CNTN5: variants seen among roughly 807,000 people sequenced by gnomAD.
CNTN5 encodes contactin 5, also known as contactin-5.
A neutral mutation model predicts 129.1 loss-of-function variants in CNTN5; 77 were observed. The ratio of observed to expected loss-of-function variants is 0.60; its 90% CI spans 0.50 to 0.72. The LOEUF (loss-of-function observed/expected upper bound fraction) is 0.72, where lower values mean the gene tolerates loss of function less well. CNTN5 is among the 30% of genes least tolerant of loss of function. The pLI is 0.00. For missense variants in CNTN5, 1,478 were observed against 1,328.8 expected (o/e 1.11, Z -1.75); for synonymous variants, 509 against 465.6 (o/e 1.09, Z -1.20).
chr11:100,045,707 G>A (rs1942631326), intron 9 of CNTN5, among the ~76,000 whole-genome samples: 1 of 142,176 alleles, frequency 7.0e-6, no homozygotes, highest in Non-Finnish European at 1.5e-5. Context: ...TCTTTTAGAT[G>A]TACATTTATT....
chr11:99,778,455 T>G (rs1277018180), intron 3 of CNTN5, among the ~76,000 whole-genome samples: 3 of 151,922 alleles, frequency 2.0e-5, no homozygotes. Flanking sequence ...TTTTTAAAAA[T>G]TAATGTATAT....
At chr11:99,957,974 A>G (rs1662045491) in intron 8 of CNTN5, among the ~76,000 whole-genome samples, 1 of 151,834 alleles carries the variant, frequency 6.6e-6, no homozygotes, top group African/African-American at 2.4e-5. Flanking sequence ...TATTATATAT[A>G]CATATATAGA....
chr11:99,742,067 G>T (rs1211205188), intron 3 of CNTN5, among the ~76,000 whole-genome samples: 3 of 152,136 alleles, frequency 2.0e-5, no homozygotes, highest in Admixed American at 6.5e-5. Context: ...ACTACTAAAT[G>T]TTATGTGCAA....
At chr11:99,842,391 C>G (rs1947538033) in intron 4 of CNTN5, among the ~76,000 whole-genome samples, 1 of 152,130 alleles carries the variant, frequency 6.6e-6, no homozygotes, top group African/African-American at 2.4e-5. Context: ...TCAGTGCTTG[C>G]AATATACAAG....
intron 3 of CNTN5, among the ~76,000 whole-genome samples, chr11:99,587,662 G>T (rs1447543151): frequency 5.9e-5 from 9 of 152,152 alleles, no homozygotes; most frequent in Non-Finnish European, 1.0e-4. Flanking sequence ...GAAGATGGGG[G>T]TCATTTGCAA....
intron 2 of CNTN5, among the ~76,000 whole-genome samples, chr11:99,327,125 G>A (rs1199773141): frequency 6.6e-6 from 1 of 152,054 alleles, no homozygotes; most frequent in Non-Finnish European, 1.5e-5. Context: ...CACCTTAATT[G>A]AATTTAGTAA....
chr11:99,428,400 A>C (rs1019071248), intron 2 of CNTN5, among the ~76,000 whole-genome samples: 2 of 151,850 alleles, frequency 1.3e-5, no homozygotes, highest in Non-Finnish European at 2.9e-5. Flanking sequence ...TCTCTACAAA[A>C]ACATACAAAA....
intron 3 of CNTN5, among the ~76,000 whole-genome samples, chr11:99,626,075 A>G (rs1279347997): frequency 6.6e-6 from 1 of 152,070 alleles, no homozygotes; most frequent in Non-Finnish European, 1.5e-5. Context: ...CGTGAAGGAC[A>G]CACAGAGATG....
At chr11:99,106,185 C>T (rs574233433) in intron 1 of CNTN5, among the ~76,000 whole-genome samples, 1 of 152,134 alleles carries the variant, frequency 6.6e-6, no homozygotes, top group South Asian at 2.1e-4. Context: ...TAAGATTTTA[C>T]TCATGATGTC....
intron 1 of CNTN5, among the ~76,000 whole-genome samples, chr11:99,210,834 A>G (rs1385241469): frequency 6.7e-6 from 1 of 149,216 alleles, no homozygotes. Context: ...CTCCTTGATC[A>G]TATGCTCTAG....
At chr11:99,160,810 A>C (rs560445930) in intron 1 of CNTN5, among the ~76,000 whole-genome samples, 36 of 152,356 alleles carry the variant, frequency 2.4e-4, no homozygotes, top group African/African-American at 8.7e-4. Context: ...AGACACAAGC[A>C]GTTACGTTTA....
At chr11:99,080,980 G>GT (rs766619743) in intron 1 of CNTN5, among the ~76,000 whole-genome samples, 2,779 of 112,372 alleles carry the variant, frequency 0.025, 90 homozygotes, top group African/African-American at 0.054. Context: ...TGAGAAATCA[G>GT]TTTTTTTTTT....
chr11:99,763,252 C>G (rs192013027), intron 3 of CNTN5, among the ~76,000 whole-genome samples: 14 of 152,108 alleles, frequency 9.2e-5, no homozygotes, highest in African/African-American at 3.4e-4. Flanking sequence ...ATACATTTCC[C>G]TTTATCAAAG....
At chr11:100,133,170 T>C (rs1946427059) in intron 13 of CNTN5, among the ~76,000 whole-genome samples, 1 of 152,134 alleles carries the variant, frequency 6.6e-6, no homozygotes, top group Non-Finnish European at 1.5e-5. Flanking sequence ...TCATTGGCAA[T>C]GACATTAATG....
chr11:100,047,309 G>C (rs1942733962), intron 9 of CNTN5, among the ~76,000 whole-genome samples: 1 of 152,070 alleles, frequency 6.6e-6, no homozygotes, highest in Non-Finnish European at 1.5e-5. Context: ...CACAGGGGTA[G>C]GGTTAATCTA....
At chr11:100,265,713 A>G (rs765239534) in intron 17 of CNTN5, among the ~76,000 whole-genome samples, 2 of 152,132 alleles carry the variant, frequency 1.3e-5, no homozygotes, top group African/African-American at 2.4e-5. Context: ...AGCTGAGCAC[A>G]TCTTGGATTT....
chr11:99,503,530 G>A (rs1946502897), intron 2 of CNTN5, among the ~76,000 whole-genome samples: 1 of 152,176 alleles, frequency 6.6e-6, no homozygotes, highest in South Asian at 2.1e-4. Context: ...TGCTGTGAGT[G>A]TGAAACAAGT....
intron 3 of CNTN5, among the ~76,000 whole-genome samples, chr11:99,807,160 GATA>G (rs1419660105): frequency 6.6e-6 from 1 of 151,930 alleles, no homozygotes; most frequent in East Asian, 1.9e-4. Context: ...GTAAAAAAAA[GATA>G]ATAGATCTTA....
intron 2 of CNTN5, among the ~76,000 whole-genome samples, chr11:99,339,961 C>T (rs1056766044): frequency 6.6e-6 from 1 of 151,886 alleles, no homozygotes; most frequent in Non-Finnish European, 1.5e-5. Context: ...TTGGTTTTCA[C>T]CCTCCGTAAG....
Sources: allele counts gnomAD v4.1 joint callset (sites outside exome capture counted in the v4.1 genomes callset), GRCh38; gene constraint gnomAD v4.1.1; transcripts MANE v1.5; gene names NCBI Gene and HGNC (gene_info 2026-07-23, HGNC 2026-07-21).